The following FAIM2 variants were observed in gnomAD, a reference collection of about 807,000 sequenced individuals.
FAIM2 encodes the protein protein lifeguard 2.
Under a neutral mutation model 47.4 loss-of-function variants are expected in FAIM2, and 27 were observed. The ratio of observed to expected loss-of-function variants is 0.57; its 90% confidence interval spans 0.42 to 0.78. The LOEUF is 0.78. Among genes scored for constraint, FAIM2 ranks in the 30% least tolerant of loss-of-function variants. FAIM2 has a pLI of 0.00. For missense variants in FAIM2, 311 were observed against 389.4 expected, an observed-to-expected ratio of 0.80 and a Z score of 1.69; for synonymous variants, 156 against 159.3, an observed-to-expected ratio of 0.98 and a Z score of 0.16.
chr12:49,893,637 T>C (rs934760920), intron 5 of FAIM2, among the ~76,000 whole-genome samples: 2 of 152,198 alleles, frequency 1.3e-5, no homozygotes, highest in Non-Finnish European at 2.9e-5. Flanking sequence ...ACAAGCATAT[T>C]GGATTTGGTG....
intron 11 of FAIM2, among the ~76,000 whole-genome samples, chr12:49,881,674 G>A (rs188971038): frequency 9.7e-4 from 148 of 152,312 alleles, no homozygotes; most frequent in African/African-American, 3.4e-3. Flanking sequence ...GCACTAGGGG[G>A]AATGGGAGGA....
chr12:49,903,794 G>C lies in FAIM2; in HGVS notation c.-2C>G. The C allele has an allele frequency of 2.6e-6, 4 of 1,545,792 alleles. No individual in the cohort carries two copies. The highest frequency in any genetic ancestry group is 3.5e-6 in the Non-Finnish European group (4 of 1,144,494). On this transcript the variant is annotated 5_prime_UTR_variant, in exon 1 of 12. Coordinates refer to ENST00000320634, the MANE Select transcript of FAIM2 (RefSeq NM_012306.4). ...TGCCGGTACCTTTCCCTGGGTCATG[G>C]TGCCGTCTCTCGGGGAAGGGGTCCC... is the stretch of plus-strand genomic sequence containing the variant.
In FAIM2 at chr12:49,901,200, C is replaced by T. The variant is rs373821205; in HGVS notation, c.141G>A (p.Met47Ile). ...GGGCTGGGGGGAAGGCCCCTGCCTT[C>T]ATCCCCTCCCCAGAGGTGGCTTCCT... is the stretch of plus-strand genomic sequence containing the variant. ...SYEEATSGEGMKAGAFPPAPT... is the reference protein window; with the variant it reads ...SYEEATSGEGIKAGAFPPAPT... Residue 47 changes from methionine (M) to isoleucine (I), a missense_variant, in exon 2 of 12, where the codon ATG (methionine) becomes ATA (isoleucine). By Grantham distance (10) the Met-to-Ile change is conservative (BLOSUM62 1). Coordinates refer to ENST00000320634, the MANE Select transcript of FAIM2 (RefSeq NM_012306.4). 6 of 1,611,476 alleles carry T rather than the reference C, an allele frequency of 3.7e-6. No homozygotes were observed. The East Asian group carries it at 9.0e-5, about 24-fold the overall frequency.
intron 2 of FAIM2, 119 bp from the exon 3 acceptor site, chr12:49,898,209 T>C (rs1397340344): frequency 5.1e-6 from 2 of 390,220 alleles, no homozygotes; most frequent in Non-Finnish European, 9.3e-6. Flanking sequence ...CCCTGAAGTC[T>C]TTCTCTCCTG....
At chr12:49,877,967 T>C (rs549672439) in intron 11 of FAIM2, among the ~76,000 whole-genome samples, 5 of 151,912 alleles carry the variant, frequency 3.3e-5, no homozygotes, top group South Asian at 2.1e-4. Context: ...TGTGTATGTG[T>C]ATGTGTGCAT....
intron 11 of FAIM2, among the ~76,000 whole-genome samples, chr12:49,880,200 G>A (rs935665951): frequency 1.6e-5 from 1 of 63,018 alleles, no homozygotes; most frequent in Non-Finnish European, 3.8e-5. Flanking sequence ...ATATGTGCAT[G>A]TGTGTGTGCA....
chr12:49,895,496 G>A (rs115241549), intron 5 of FAIM2, among the ~76,000 whole-genome samples: 2,815 of 152,298 alleles, frequency 0.018, 41 homozygotes, highest in African/African-American at 0.039. Flanking sequence ...GCTCAAAGCT[G>A]CCAGGCCATG....
intron 11 of FAIM2, among the ~76,000 whole-genome samples, chr12:49,885,933 C>T (rs1412686112): frequency 6.6e-6 from 1 of 152,102 alleles, no homozygotes; most frequent in Non-Finnish European, 1.5e-5. Context: ...ATGAACCTGC[C>T]ACACCCTCAC....
intron 11 of FAIM2, among the ~76,000 whole-genome samples, chr12:49,879,901 C>T (rs950843362): frequency 3.6e-5 from 5 of 138,742 alleles, no homozygotes; most frequent in African/African-American, 1.4e-4. Flanking sequence ...TGTGTATGTG[C>T]ATGTGTATAT....
intron 1 of FAIM2, chr12:49,903,002 CCT>C (rs1160662679): frequency 1.3e-5 from 2 of 151,986 alleles, no homozygotes; most frequent in Non-Finnish European, 2.9e-5. Context: ...AGGTCCTTCC[CCT>C]GTTTTCTCTG....
At chr12:49,887,742 C>T (rs1195458363) in intron 10 of FAIM2, among the ~76,000 whole-genome samples, 2 of 140,954 alleles carry the variant, frequency 1.4e-5, no homozygotes, top group East Asian at 4.3e-4. Flanking sequence ...GGGCCCTGTC[C>T]TCCCTCTAGC....
chr12:49,876,019 G>A (rs910071911), intron 11 of FAIM2, among the ~76,000 whole-genome samples: 2 of 152,176 alleles, frequency 1.3e-5, no homozygotes, highest in African/African-American at 2.4e-5. Flanking sequence ...AATAGCCTGT[G>A]GCAGTAAGTG....
intron 6 of FAIM2, 112 bp downstream of exon 6, chr12:49,890,952 G>T: frequency 1.8e-6 from 2 of 1,096,352 alleles, no homozygotes; most frequent in African/African-American, 1.5e-5. Flanking sequence ...CCCAGAGAGG[G>T]ATGGGGCCCT....
intron 11 of FAIM2, among the ~76,000 whole-genome samples, chr12:49,884,961 G>T (rs574320411): frequency 6.6e-6 from 1 of 152,134 alleles, no homozygotes; most frequent in East Asian, 1.9e-4. Flanking sequence ...GCGACAGAGT[G>T]AGACTCCGTC....
rs115124716 is a variant in FAIM2 at position 49,899,082 on chromosome 12, A to G, written c.212-992T>C. ...GTGGATCCCTCCCCTAGAACTTACTAGATGTGTGACCCTGATAAAGTTACT... is the reference window on the plus strand; with the variant it reads ...GTGGATCCCTCCCCTAGAACTTACTGGATGTGTGACCCTGATAAAGTTACT... On this transcript the variant is annotated intron_variant, in intron 2 of 11. Coordinates refer to ENST00000320634, the MANE Select transcript of FAIM2 (RefSeq NM_012306.4). Among the ~76,000 whole-genome samples, 279 of 152,202 alleles carry G rather than the reference A, an allele frequency of 1.8e-3. 2 individuals are homozygous for G. Among genetic ancestry groups the G allele is most frequent in the African/African-American group, 5.9e-3 (243 of 41,510 alleles).
intron 11 of FAIM2, among the ~76,000 whole-genome samples, chr12:49,878,856 GTGTGTC>G (rs1353771701): frequency 6.6e-5 from 4 of 61,016 alleles, no homozygotes; most frequent in African/African-American, 2.0e-4. Flanking sequence ...GTGTGTATGT[GTGTGTC>G]TGTGCATGTG....
intron 11 of FAIM2, among the ~76,000 whole-genome samples, chr12:49,879,643 T>G (rs1291350181): frequency 6.6e-6 from 1 of 151,886 alleles, no homozygotes; most frequent in African/African-American, 2.4e-5. Context: ...CGTGTATGTG[T>G]GGGCATGTGA....
chr12:49,894,947 C>T (rs375370399), intron 5 of FAIM2, among the ~76,000 whole-genome samples: 1 of 152,136 alleles, frequency 6.6e-6, no homozygotes, highest in Non-Finnish European at 1.5e-5. Context: ...AAGGAAGAGA[C>T]CCGGATGGAG....
chr12:49,892,422 A>T (rs1459026880), intron 5 of FAIM2, among the ~76,000 whole-genome samples: 1 of 152,078 alleles, frequency 6.6e-6, no homozygotes, highest in Non-Finnish European at 1.5e-5. Flanking sequence ...AGTGGTCTCC[A>T]TTCACCATGC....
Sources: gnomAD v4.1 joint callset for allele counts (sites outside exome capture counted in the v4.1 genomes callset) on GRCh38, gnomAD v4.1.1 for gene constraint, MANE v1.5 for transcripts, NCBI Gene and HGNC (gene_info 2026-07-23, HGNC 2026-07-21) for gene names.